Variants in ERC2 observed in about 807,000 individuals in gnomAD.
The protein encoded by ERC2 is ERC protein 2.
Under a neutral mutation model 114.8 loss-of-function variants are expected in ERC2, and 42 were observed. The observed-to-expected ratio is 0.37, with a 90% CI of 0.29 to 0.47. ERC2 has a LOEUF of 0.47. Ranked by LOEUF, ERC2 falls within the 20% of genes least tolerant of loss-of-function variation. ERC2 has a pLI of 0.99. For synonymous variants in ERC2, 454 were observed against 425.5 expected (o/e 1.07, Z -0.82); for missense variants, 939 against 1,150.7 (o/e 0.82, Z 2.66).
At chr3:55,588,496 A>G (rs1393001317) in intron 17 of ERC2, among the ~76,000 whole-genome samples, 1 of 152,232 alleles carries the variant, frequency 6.6e-6, no homozygotes, top group Non-Finnish European at 1.5e-5. Flanking sequence ...CTTAGAAGTG[A>G]AAGCAGAGAG....
intron 17 of ERC2, among the ~76,000 whole-genome samples, chr3:55,653,420 T>A (rs556792571): frequency 5.6e-4 from 85 of 152,252 alleles, no homozygotes; most frequent in African/African-American, 2.0e-3. Flanking sequence ...ACCTCAAAAA[T>A]TTTAACAAAG....
In ERC2 at chr3:55,910,410, CA is replaced by C. The variant is rs111948062; in HGVS notation, c.2404-21862del. 4.7e-4 allele frequency among the ~76,000 whole-genome samples: 70 copies of C among 150,230 alleles called. 1 individual carries two copies. The highest frequency in any genetic ancestry group is 1.6e-3 in the African/African-American group (64 of 40,888). On this transcript the variant is annotated intron_variant, in intron 13 of 17. Coordinates refer to ENST00000288221, the MANE Select transcript of ERC2 (RefSeq NM_015576.3). ...CTGTCTCAACAAAAAAACAAAAAAA[CA>C]AAAAAAACAAAACAAAACAAAAGAA...
chr3:56,311,351 G>GAGAT (rs2056566275), intron 2 of ERC2, among the ~76,000 whole-genome samples: 1 of 146,650 alleles, frequency 6.8e-6, no homozygotes, highest in Non-Finnish European at 1.5e-5. Context: ...CCAGGCTGGA[G>GAGAT]TGCAGTGGCG....
chr3:56,192,491 C>T (rs2047851087), intron 3 of ERC2, among the ~76,000 whole-genome samples: 1 of 152,154 alleles, frequency 6.6e-6, no homozygotes, highest in Non-Finnish European at 1.5e-5. Flanking sequence ...TTACATCAAT[C>T]CTCTGTGGGG....
intron 14 of ERC2, among the ~76,000 whole-genome samples, chr3:55,787,710 T>C (rs915904428): frequency 3.3e-5 from 5 of 152,202 alleles, no homozygotes; most frequent in Admixed American, 1.3e-4. Context: ...CAGATCCCTA[T>C]TGATCCATCA....
At chr3:56,374,159 A>G (rs1488554191) in intron 2 of ERC2, among the ~76,000 whole-genome samples, 1 of 152,126 alleles carries the variant, frequency 6.6e-6, no homozygotes, top group Non-Finnish European at 1.5e-5. Context: ...TGCAGAGGCG[A>G]GATCTCAGCT....
intron 14 of ERC2, among the ~76,000 whole-genome samples, chr3:55,863,077 T>G (rs2062098166): frequency 6.6e-6 from 1 of 152,080 alleles, no homozygotes; most frequent in Non-Finnish European, 1.5e-5. Context: ...TAAATTACCT[T>G]CTTAGCTGGG....
intron 13 of ERC2, among the ~76,000 whole-genome samples, chr3:55,913,581 T>A (rs1268967052): frequency 1.3e-5 from 2 of 152,166 alleles, no homozygotes; most frequent in African/African-American, 2.4e-5. Context: ...GCTGACGTTA[T>A]ACTTAAAAAT....
At chr3:55,789,763 C>T (rs1246921299) in intron 14 of ERC2, among the ~76,000 whole-genome samples, 1 of 152,114 alleles carries the variant, frequency 6.6e-6, no homozygotes, top group Non-Finnish European at 1.5e-5. Flanking sequence ...TTTAAGCAAA[C>T]ATAGAGGGTA....
chr3:55,621,360 C>T (rs536188089), intron 17 of ERC2, among the ~76,000 whole-genome samples: 175 of 152,254 alleles, frequency 1.1e-3, no homozygotes, highest in African/African-American at 4.1e-3. Flanking sequence ...GGCAAACACT[C>T]CCTCATGAAA....
At chr3:55,961,404 C>A (rs1282831631) in intron 12 of ERC2, among the ~76,000 whole-genome samples, 1 of 152,080 alleles carries the variant, frequency 6.6e-6, no homozygotes, top group Non-Finnish European at 1.5e-5. Context: ...CTTGGCCTAT[C>A]AAGAAATTTA....
chr3:55,808,842 A>G (rs1232662000), intron 14 of ERC2, among the ~76,000 whole-genome samples: 1 of 149,344 alleles, frequency 6.7e-6, no homozygotes, highest in African/African-American at 2.5e-5. Context: ...AAAGATCCAG[A>G]GGTAAATGTG....
intron 3 of ERC2, among the ~76,000 whole-genome samples, chr3:56,278,309 T>C (rs2054138777): frequency 6.6e-6 from 1 of 152,220 alleles, no homozygotes; most frequent in Admixed American, 6.5e-5. Flanking sequence ...CAGGAATGCA[T>C]GACCTTTGTC....
At chr3:56,138,631 A>T (rs2080663626) in intron 6 of ERC2, among the ~76,000 whole-genome samples, 1 of 152,242 alleles carries the variant, frequency 6.6e-6, no homozygotes. Flanking sequence ...AAATATATAC[A>T]TGCAAAGACA....
chr3:55,799,125 C>T (rs1220967788), intron 14 of ERC2, among the ~76,000 whole-genome samples: 1 of 151,934 alleles, frequency 6.6e-6, no homozygotes, highest in East Asian at 1.9e-4. Context: ...AGCTCAGTCA[C>T]ACAGCTTTTT....
Position 56,314,867 on chromosome 3 carries a change from T to C in ERC2, c.658-18432A>G, listed in dbSNP as rs2056788709. 1.3e-5 allele frequency among the ~76,000 whole-genome samples: 2 copies of C among 152,080 alleles called. 1 individual carries two copies. The highest frequency in any genetic ancestry group is 4.1e-4 in the South Asian group (2 of 4,820). On this transcript the variant is annotated intron_variant, in intron 2 of 17. Coordinates refer to ENST00000288221, the MANE Select transcript of ERC2 (RefSeq NM_015576.3). Reference sequence around the variant, plus strand: ...TAGTTGTGAAGTCCAGGCACCAAACTCTCAGCACAAAACTCTTTCCTGCTC... The same window carrying C: ...TAGTTGTGAAGTCCAGGCACCAAACCCTCAGCACAAAACTCTTTCCTGCTC...
chr3:56,325,241 G>A lies in ERC2; in HGVS notation c.658-28806C>T, dbSNP rs140379106. 4.9e-3 allele frequency among the ~76,000 whole-genome samples: 744 copies of A among 152,024 alleles called. 18 individuals are homozygous for A. The highest frequency in any genetic ancestry group is 0.04 in the Admixed American group (605 of 15,264). On this transcript the variant is annotated intron_variant, in intron 2 of 17. Coordinates refer to ENST00000288221, the MANE Select transcript of ERC2 (RefSeq NM_015576.3). ...GGGTGGATTACGAGGTCAGGAGACT[G>A]AGACCATCCTGGCTAACTCAGTGAA...
chr3:55,897,792 C>G (rs1369356012), intron 13 of ERC2, among the ~76,000 whole-genome samples: 2 of 152,206 alleles, frequency 1.3e-5, no homozygotes, highest in African/African-American at 4.8e-5. Flanking sequence ...CCCACCTCCC[C>G]ACTGCTGCCT....
intron 2 of ERC2, among the ~76,000 whole-genome samples, chr3:56,359,036 C>G (rs1560665084): frequency 6.6e-6 from 1 of 152,196 alleles, no homozygotes; most frequent in Non-Finnish European, 1.5e-5. Flanking sequence ...AAGGGGCTAA[C>G]TCAGTTGACA....
Sources: allele counts gnomAD v4.1 joint callset (sites outside exome capture counted in the v4.1 genomes callset), GRCh38; gene constraint gnomAD v4.1.1; transcripts MANE v1.5; gene names NCBI Gene and HGNC (gene_info 2026-07-23, HGNC 2026-07-21).